The following CTNNA3 variants were observed in gnomAD, a reference collection of about 807,000 sequenced individuals.
CTNNA3 encodes catenin alpha 3.
Under a neutral mutation model 95.7 loss-of-function variants are expected in CTNNA3, and 76 were observed. The ratio of observed to expected loss-of-function variants is 0.79; its 90% CI spans 0.66 to 0.96. CTNNA3 has a LOEUF of 0.96. Ranked by LOEUF, CTNNA3 falls within the 40% of genes least tolerant of loss-of-function variation. The pLI is 0.00. For missense variants in CTNNA3, 1,191 were observed against 1,089.8 expected (o/e 1.09, Z -1.31); for synonymous variants, 431 against 374.4 (o/e 1.15, Z -1.74).
At chr10:67,351,845 T>C (rs1842649804) in intron 5 of CTNNA3, among the ~76,000 whole-genome samples, 1 of 151,990 alleles carries the variant, frequency 6.6e-6, no homozygotes, top group Non-Finnish European at 1.5e-5. Flanking sequence ...AGATAACTGC[T>C]GGGATTTTAA....
intron 13 of CTNNA3, among the ~76,000 whole-genome samples, chr10:66,268,269 G>A (rs907800948): frequency 4.6e-5 from 7 of 151,990 alleles, no homozygotes; most frequent in East Asian, 1.9e-4. Context: ...CTTTGAATCC[G>A]GGAGGCTTTT....
chr10:67,504,450 A>C (rs536164248), intron 5 of CTNNA3, among the ~76,000 whole-genome samples: 9 of 150,168 alleles, frequency 6.0e-5, no homozygotes, highest in Non-Finnish European at 1.2e-4. Context: ...AAAAAAAAAA[A>C]AAAAAAAAAA....
At chr10:66,235,513 A>G (rs2089806598) in intron 13 of CTNNA3, among the ~76,000 whole-genome samples, 2 of 151,972 alleles carry the variant, frequency 1.3e-5, no homozygotes. Context: ...ATTTAAAATA[A>G]CCACATATAA....
intron 9 of CTNNA3, among the ~76,000 whole-genome samples, chr10:66,754,849 A>G (rs1024112614): frequency 9.2e-5 from 14 of 152,150 alleles, no homozygotes; most frequent in African/African-American, 3.4e-4. Flanking sequence ...TACACTGCAG[A>G]TGAGAATGTA....
intron 16 of CTNNA3, among the ~76,000 whole-genome samples, chr10:65,979,169 C>A (rs1311938560): frequency 6.6e-6 from 1 of 152,028 alleles, no homozygotes; most frequent in Non-Finnish European, 1.5e-5. Context: ...GTTTCAAATT[C>A]CTTTTTATTT....
intron 1 of CTNNA3, among the ~76,000 whole-genome samples, chr10:67,655,608 A>G (rs868502317): frequency 3.9e-5 from 6 of 152,320 alleles, no homozygotes; most frequent in African/African-American, 1.4e-4. Flanking sequence ...CAGCCTGGCC[A>G]ACATGGTGAA....
At chr10:67,732,873 TTCTC>T (rs1465646582) in intron 1 of CTNNA3, among the ~76,000 whole-genome samples, 1 of 141,304 alleles carries the variant, frequency 7.1e-6, no homozygotes, top group Non-Finnish European at 1.5e-5. Context: ...TTCTCCCTCT[TTCTC>T]TCACTCACGC....
chr10:67,370,266 T>C (rs1288040400), intron 5 of CTNNA3, among the ~76,000 whole-genome samples: 1 of 152,162 alleles, frequency 6.6e-6, no homozygotes, highest in Non-Finnish European at 1.5e-5. Context: ...GGTTTCATCA[T>C]TTTACTTTTT....
chr10:67,186,189 G>T (rs968700320), intron 6 of CTNNA3, among the ~76,000 whole-genome samples: 2 of 152,132 alleles, frequency 1.3e-5, no homozygotes, highest in Non-Finnish European at 2.9e-5. Context: ...CTCCAGCATT[G>T]TGACAATAGG....
At chr10:67,052,317 T>A (rs1239569902) in intron 7 of CTNNA3, among the ~76,000 whole-genome samples, 2 of 50,128 alleles carry the variant, frequency 4.0e-5, no homozygotes, top group Non-Finnish European at 1.3e-4. Flanking sequence ...CTCATCACTC[T>A]CTCTCTCTCT....
intron 5 of CTNNA3, among the ~76,000 whole-genome samples, chr10:67,286,802 C>G (rs944402637): frequency 6.6e-6 from 1 of 152,110 alleles, no homozygotes; most frequent in Non-Finnish European, 1.5e-5. Flanking sequence ...CACAGAACTA[C>G]AAAATTTTAA....
At chr10:66,588,344 T>A (rs934184822) in intron 10 of CTNNA3, among the ~76,000 whole-genome samples, 1 of 152,184 alleles carries the variant, frequency 6.6e-6, no homozygotes, top group African/African-American at 2.4e-5. Context: ...TTTCAGTTTT[T>A]CTGTTAAGTT....
chr10:67,550,558 G>T (rs907643448), intron 3 of CTNNA3, among the ~76,000 whole-genome samples: 1 of 150,920 alleles, frequency 6.6e-6, no homozygotes, highest in South Asian at 2.1e-4. Context: ...AAAGAATAAA[G>T]AAATTATTTA....
chr10:66,200,925 G>T (rs1252735320), intron 13 of CTNNA3, among the ~76,000 whole-genome samples: 1 of 152,126 alleles, frequency 6.6e-6, no homozygotes, highest in Non-Finnish European at 1.5e-5. Flanking sequence ...CCAGCATTTA[G>T]ATTAGTATTT....
intron 5 of CTNNA3, among the ~76,000 whole-genome samples, chr10:67,231,350 C>G (rs1469530623): frequency 2.0e-5 from 3 of 152,248 alleles, no homozygotes; most frequent in Non-Finnish European, 4.4e-5. Context: ...ACTGCCTCCT[C>G]AAGTGGGTCC....
At chr10:67,332,378 GGT>G (rs1422883898) in intron 5 of CTNNA3, among the ~76,000 whole-genome samples, 1 of 152,076 alleles carries the variant, frequency 6.6e-6, no homozygotes, top group African/African-American at 2.4e-5. Context: ...ACTTAAAGAA[GGT>G]GAATTAGGAA....
rs75803114 is a variant in CTNNA3 at position 66,060,048 on chromosome 10, T to C, written c.2159+9260A>G. Among the ~76,000 whole-genome samples, 93 of 152,206 alleles carry C rather than the reference T, an allele frequency of 6.1e-4. No individual in the cohort carries two copies. The East Asian group carries it at 0.014, about 24-fold the overall frequency. ...GAGTTATGTTTTGCCTTTTACCCCA[T>C]AATTTTTCTGCAACTTTTAAGGAAA... On this transcript the variant is annotated intron_variant, in intron 15 of 17. Transcript: ENST00000433211.
chr10:67,551,481 C>T (rs1303758632), intron 3 of CTNNA3, among the ~76,000 whole-genome samples: 1 of 152,098 alleles, frequency 6.6e-6, no homozygotes, highest in Non-Finnish European at 1.5e-5. Flanking sequence ...TCTGGTACAC[C>T]AAGGCAAGAA....
At chr10:66,171,883 C>T (rs957687035) in intron 13 of CTNNA3, among the ~76,000 whole-genome samples, 1 of 152,148 alleles carries the variant, frequency 6.6e-6, no homozygotes, top group African/African-American at 2.4e-5. Flanking sequence ...ATCATCAATG[C>T]TGCTGGGCAG....
Sources: gnomAD v4.1 joint callset for allele counts (sites outside exome capture counted in the v4.1 genomes callset) on GRCh38, gnomAD v4.1.1 for gene constraint, MANE v1.5 for transcripts, NCBI Gene and HGNC (gene_info 2026-07-23, HGNC 2026-07-21) for gene names.